The following NKAPD1 variants were observed in gnomAD, a reference collection of about 807,000 sequenced individuals.
NKAPD1 encodes uncharacterized protein NKAPD1.
Under a neutral mutation model 30.9 loss-of-function variants are expected in NKAPD1, and 12 were observed. The observed-to-expected ratio is 0.39, with a 90% confidence interval of 0.25 to 0.63. NKAPD1 has a LOEUF of 0.63. NKAPD1 is among the 20% of genes least tolerant of loss of function. The pLI, the probability that NKAPD1 is intolerant of heterozygous loss-of-function variation, is 0.51. For synonymous variants in NKAPD1, 91 were observed against 113.6 expected (o/e 0.80, Z 1.26); for missense variants, 311 against 344.5 (o/e 0.90, Z 0.77).
chr11:112,084,933 T>A lies in NKAPD1; in HGVS notation c.*1961T>A. The A allele has an allele frequency of 6.0e-6, 1 of 165,572 alleles. No individual in the cohort carries two copies. Among genetic ancestry groups the A allele is most frequent in the Non-Finnish European group, 1.3e-5 (1 of 77,156 alleles). 10.3% of individuals were successfully genotyped at this position (165,572 alleles called of 1,614,324 possible). On this transcript the variant is annotated 3_prime_UTR_variant, in exon 6 of 6. Transcript: ENST00000393047. ...GGCTTCGATGGTTCTTCCAACCCCCTTAATATGGCTTAGGGTGGTTTTTCA... is the reference window on the plus strand; with the variant it reads ...GGCTTCGATGGTTCTTCCAACCCCCATAATATGGCTTAGGGTGGTTTTTCA...
At position 112,074,349 on chromosome 11, in the gene NKAPD1, G is replaced by A; in HGVS notation, c.-576G>A. 2 of 399,274 alleles carry A rather than the reference G, an allele frequency of 5.0e-6. No individual in the cohort carries two copies. Among genetic ancestry groups the A allele is most frequent in the Non-Finnish European group, 8.8e-6 (2 of 226,250 alleles). 24.7% of individuals were successfully genotyped at this position (399,274 alleles called of 1,614,324 possible). On this transcript the variant is annotated 5_prime_UTR_variant, in exon 1 of 6. Coordinates refer to ENST00000393047, the MANE Select transcript of NKAPD1 (RefSeq NM_018195.4). ...CCCCTACCCCCCGCCACGCGAGGCT[G>A]CGGCGCACGGTATGGGTGTGTTTGT...
Position 112,083,686 on chromosome 11 carries a change from C to T in NKAPD1, c.*714C>T, listed in dbSNP as rs1358158940. On this transcript the variant is annotated 3_prime_UTR_variant, in exon 6 of 6. Coordinates refer to ENST00000393047, the MANE Select transcript of NKAPD1 (RefSeq NM_018195.4). ...ATTGCTGTATATTTGCCTAAATGGA[C>T]TTGTGTTCAAATTATTTCTTCAATT... The T allele has an allele frequency of 6.6e-6, 1 of 152,540 alleles. No homozygotes were observed. Among genetic ancestry groups the T allele is most frequent in the African/African-American group, 2.4e-5 (1 of 41,428 alleles). The allele number at this position is 152,540 out of a possible 1,614,324, so 9.4% of individuals were successfully genotyped here.
rs1865518104 is a variant in NKAPD1, at chr11:112,083,885, A to G, written c.*913A>G. On this transcript the variant is annotated 3_prime_UTR_variant, in exon 6 of 6. Transcript: ENST00000393047. ...TAAGTTGAATTATTTCCAAAATGAA[A>G]CAGGCTTCTCAGGGACATATCCACT... 6.6e-6 allele frequency: 1 copy of G among 152,600 alleles called. No homozygotes were observed. The highest frequency in any genetic ancestry group is 2.4e-5 in the African/African-American group (1 of 41,440). The allele number at this position is 152,600 out of a possible 1,614,324, so 9.5% of individuals were successfully genotyped here.
intron 4 of NKAPD1, chr11:112,081,324 CAA>C (rs1400910722): frequency 1.4e-5 from 2 of 143,502 alleles, no homozygotes; most frequent in African/African-American, 5.2e-5. Context: ...GACTCTGTCT[CAA>C]GAAAAAAAGA....
rs1332061889 is a variant in NKAPD1 at position 112,083,006 on chromosome 11, G to T, written c.*34G>T. The T allele has an allele frequency of 2.6e-6, 4 of 1,558,086 alleles. No individual in the cohort carries two copies. The African/African-American group carries it at 4.1e-5, about 16-fold the overall frequency. ...CACTTTTGTTTTCCACATGACTGTG[G>T]ATATTTACAGTTCTTACTCCTTGTG... On this transcript the variant is annotated 3_prime_UTR_variant, in exon 6 of 6. Coordinates refer to ENST00000393047, the MANE Select transcript of NKAPD1 (RefSeq NM_018195.4).
rs560260014 is a variant in NKAPD1 at position 112,083,221 on chromosome 11, G to A, written c.*249G>A. On this transcript the variant is annotated 3_prime_UTR_variant, in exon 6 of 6. Coordinates refer to ENST00000393047, the MANE Select transcript of NKAPD1 (RefSeq NM_018195.4). ...ATTATTTTTTTTTGCAATTAATTAC[G>A]TTTAGTGTAGAGTGCATATACAGCA... The A allele has an allele frequency of 3.2e-5, 12 of 374,040 alleles. No individual in the cohort carries two copies. Among genetic ancestry groups the A allele is most frequent in the East Asian group, 3.0e-4 (7 of 23,272 alleles). 23.2% of individuals were successfully genotyped at this position (374,040 alleles called of 1,614,324 possible).
Position 112,082,852 on chromosome 11 carries a change from G to T in NKAPD1, c.762G>T (p.Lys254Asn). The T allele has an allele frequency of 6.2e-7, 1 of 1,613,876 alleles. No homozygotes were observed. Among genetic ancestry groups the T allele is most frequent in the Non-Finnish European group, 8.5e-7 (1 of 1,179,942 alleles). The change falls in exon 6 of 6, where the codon AAG becomes AAT. Residue 254 changes from lysine (K) to asparagine (N), a missense_variant. Transcript: ENST00000393047. The part of the protein sequence containing the change: ...ERDTKKTKRK[K>N]REKKAHTSVA... Reference sequence around the variant, plus strand: ...ACACTAAGAAAACCAAAAGGAAAAAGAGAGAGAAAAAAGCCCATACCTCTG... The same window carrying T: ...ACACTAAGAAAACCAAAAGGAAAAATAGAGAGAAAAAAGCCCATACCTCTG...
chr11:112,081,329 A>C (rs1050471533), intron 4 of NKAPD1: 1 of 151,388 alleles, frequency 6.6e-6, no homozygotes, highest in African/African-American at 2.4e-5. Context: ...TGTCTCAAGA[A>C]AAAAAGAAAA....
At chr11:112,075,520 G>T (rs1865305526) in intron 1 of NKAPD1, 47 bp from the exon 2 acceptor site, 2 of 1,416,230 alleles carry the variant, frequency 1.4e-6, no homozygotes, top group Admixed American at 1.9e-5. Context: ...AAAAGATAAA[G>T]TAATAACAGA....
chr11:112,077,526 A>G (rs1865354325), intron 2 of NKAPD1, among the ~76,000 whole-genome samples: 2 of 152,210 alleles, frequency 1.3e-5, no homozygotes, highest in African/African-American at 4.8e-5. Flanking sequence ...GTAAAATGTA[A>G]TAATGGTAGC....
rs1381225978 is a variant in NKAPD1, at chr11:112,074,855, T to C, written c.-70T>C. 4.9e-6 allele frequency: 1 copy of C among 203,090 alleles called. No homozygotes were observed. Among genetic ancestry groups the C allele is most frequent in the Non-Finnish European group, 9.9e-6 (1 of 101,442 alleles). 12.6% of individuals were successfully genotyped at this position (203,090 alleles called of 1,614,324 possible). ...CCTTGGCTTCCTGGGTCGGAGGAGA[T>C]CTTGTAATGGAGTGGTTCTTCGTCT... On this transcript the variant is annotated 5_prime_UTR_variant, in exon 1 of 6. Coordinates refer to ENST00000393047, the MANE Select transcript of NKAPD1 (RefSeq NM_018195.4).
intron 2 of NKAPD1, among the ~76,000 whole-genome samples, chr11:112,076,598 T>G (rs1865335662): frequency 6.6e-6 from 1 of 152,202 alleles, no homozygotes; most frequent in African/African-American, 2.4e-5. Flanking sequence ...AACACATATT[T>G]TTTATGTTAC....
chr11:112,081,063 A>C (rs1865438934), intron 4 of NKAPD1: 1 of 154,460 alleles, frequency 6.5e-6, no homozygotes, highest in Non-Finnish European at 1.4e-5. Context: ...GCTGTGGCTC[A>C]TGCCTGTAAT....
chr11:112,078,170 G>A lies in NKAPD1; in HGVS notation c.70-45G>A, dbSNP rs138500023. On this transcript the variant is annotated intron_variant, in intron 2 of 5. Coordinates refer to ENST00000393047, the MANE Select transcript of NKAPD1 (RefSeq NM_018195.4). ...GTTAGTTACTTTTCTGTAATGTAAA[G>A]TTATTTTTAGTAACTTATTTTTATT... The A allele has an allele frequency of 2.7e-3, 3,929 of 1,444,172 alleles. 74 individuals are homozygous for A. The South Asian group carries it at 0.027, about 10-fold the overall frequency. The allele number at this position is 1,444,172 out of a possible 1,614,324, so 89.5% of individuals were successfully genotyped here. A position where few individuals can be genotyped will look rare whatever the true frequency, so the allele number is the denominator to read the frequency against.
rs1366768463 is a variant in NKAPD1 at position 112,074,526 on chromosome 11, C to T, written c.-399C>T. On this transcript the variant is annotated 5_prime_UTR_variant, in exon 1 of 6. Transcript: ENST00000393047. ...CCGCTTCAGGCTCCCTAGATACTTTCTGGGGCCCAACCGAAGGCCGTAGCC... is the reference window on the plus strand; with the variant it reads ...CCGCTTCAGGCTCCCTAGATACTTTTTGGGGCCCAACCGAAGGCCGTAGCC... 1.8e-5 allele frequency: 7 copies of T among 398,978 alleles called. No individual in the cohort carries two copies. Among genetic ancestry groups the T allele is most frequent in the Non-Finnish European group, 3.1e-5 (7 of 226,126 alleles). 24.7% of individuals were successfully genotyped at this position (398,978 alleles called of 1,614,324 possible).
rs1268310513 is a variant in NKAPD1 at position 112,074,778 on chromosome 11, G to A, written c.-147G>A. Reference sequence around the variant, plus strand: ...GCAGAGTAACCAGTGGGAAGGCTGCGTTTTCACGAAGGACTCGGGTGAAGC... The same window carrying A: ...GCAGAGTAACCAGTGGGAAGGCTGCATTTTCACGAAGGACTCGGGTGAAGC... On this transcript the variant is annotated 5_prime_UTR_variant, in exon 1 of 6. Coordinates refer to ENST00000393047, the MANE Select transcript of NKAPD1 (RefSeq NM_018195.4). The A allele has an allele frequency of 3.1e-6, 1 of 320,744 alleles. No individual in the cohort carries two copies. Among genetic ancestry groups the A allele is most frequent in the African/African-American group, 2.1e-5 (1 of 47,040 alleles). 19.9% of individuals were successfully genotyped at this position (320,744 alleles called of 1,614,324 possible).
At chr11:112,082,419 CT>C (rs201212932) in intron 5 of NKAPD1, 45 bp from the exon 6 acceptor site, 330 of 1,376,504 alleles carry the variant, frequency 2.4e-4, no homozygotes, top group Admixed American at 6.4e-4. Context: ...AAATAATACG[CT>C]TTTTTTTTAC....
chr11:112,082,035 G>A lies in NKAPD1; in HGVS notation c.374G>A (p.Ser125Asn), dbSNP rs937985750. The change falls in exon 5 of 6, where the codon AGT (serine) becomes AAT (asparagine). Residue 125 changes from serine (S) to asparagine (N), a missense_variant and splice_region_variant. Coordinates refer to ENST00000393047, the MANE Select transcript of NKAPD1 (RefSeq NM_018195.4). The part of the protein sequence containing the change: ...ELYPEEFETD[S>N]SDQQDITNGK... ...TACCCTGAAGAATTTGAAACAGACA[G>A]GTAAGGAAAATAGGCTTACTGAAAG... is the stretch of plus-strand genomic sequence containing the variant. 19 of 1,609,070 alleles carry A rather than the reference G, an allele frequency of 1.2e-5. No homozygotes were observed. The highest frequency in any genetic ancestry group is 1.5e-5 in the Non-Finnish European group (18 of 1,176,060).
At chr11:112,076,611 G>A (rs1489301296) in intron 2 of NKAPD1, among the ~76,000 whole-genome samples, 1 of 152,182 alleles carries the variant, frequency 6.6e-6, no homozygotes, top group African/African-American at 2.4e-5. Flanking sequence ...TATGTTACAT[G>A]TATTATATAC....
Sources: allele counts gnomAD v4.1 joint callset (sites outside exome capture counted in the v4.1 genomes callset), GRCh38; gene constraint gnomAD v4.1.1; transcripts MANE v1.5; gene names NCBI Gene and HGNC (gene_info 2026-07-23, HGNC 2026-07-21).